AP5M1: variants seen among roughly 807,000 people sequenced by gnomAD.
AP5M1 encodes the protein AP-5 complex subunit mu-1.
AP5M1 carries 44 observed loss-of-function variants against 52.3 expected under a neutral mutation model. The ratio of observed to expected loss-of-function variants is 0.84; its 90% CI spans 0.66 to 1.08. The LOEUF is 1.08. AP5M1 is among the 50% of genes least tolerant of loss of function. AP5M1 has a pLI of 0.00. For missense variants in AP5M1, 526 were observed against 568.4 expected (o/e 0.93, Z 0.76); for synonymous variants, 213 against 199.0 (o/e 1.07, Z -0.59).
chr14:57,283,481 G>T (rs1885233874), intron 6 of AP5M1, among the ~76,000 whole-genome samples: 1 of 152,080 alleles, frequency 6.6e-6, no homozygotes, highest in African/African-American at 2.4e-5. Context: ...CCCAGCTATT[G>T]GGGAGACTGA....
At position 57,274,778 on chromosome 14, in the gene AP5M1, CA is replaced by C. The variant is rs760749996; in HGVS notation, c.612del (p.Gly205GlufsTer13). 6.2e-7 allele frequency: 1 copy of C among 1,614,052 alleles called. No individual in the cohort carries two copies. The highest frequency in any genetic ancestry group is 2.2e-5 in the East Asian group (1 of 44,872). ...AGCCAGCTTGGAAAACTGGGACGTA[CA>C]AAGGAAAACCACAAGTTTCTATTTC... ...KQPAWKTGTY[K>X]GKPQVSISIT... On this transcript the variant is annotated frameshift_variant, in exon 2 of 8. Coordinates refer to ENST00000261558, the MANE Select transcript of AP5M1 (RefSeq NM_018229.4). LOFTEE classifies it high-confidence loss of function.
In AP5M1 at chr14:57,294,205, G is replaced by C. The variant is rs1253812110; in HGVS notation, c.*5321G>C. On this transcript the variant is annotated 3_prime_UTR_variant, in exon 8 of 8. Coordinates refer to ENST00000261558, the MANE Select transcript of AP5M1 (RefSeq NM_018229.4). The stretch of plus-strand genomic sequence containing the variant: ...AATGTATGATGCACAAGCATTTACA[G>C]ATGGACAAATGCTCCACACTAAAAA... 1 of 151,790 alleles carries C rather than the reference G, an allele frequency of 6.6e-6. No homozygotes were observed. The highest frequency in any genetic ancestry group is 1.5e-5 in the Non-Finnish European group (1 of 67,790). 9.4% of individuals were successfully genotyped at this position (151,790 alleles called of 1,614,324 possible).
Position 57,293,672 on chromosome 14 carries a change from CAAT to C in AP5M1, c.*4791_*4793del, listed in dbSNP as rs1036808541. 7 of 151,290 alleles carry C rather than the reference CAAT, an allele frequency of 4.6e-5. No individual in the cohort carries two copies. The highest frequency in any genetic ancestry group is 9.7e-5 in the African/African-American group (4 of 41,220). 9.4% of individuals were successfully genotyped at this position (151,290 alleles called of 1,614,324 possible). ...TACACTCCGTGCAGTCATATTTAAT[CAAT>C]AAAACAGGATATATTTTGAAATTCA... On this transcript the variant is annotated 3_prime_UTR_variant, in exon 8 of 8. Coordinates refer to ENST00000261558, the MANE Select transcript of AP5M1 (RefSeq NM_018229.4).
intron 2 of AP5M1, among the ~76,000 whole-genome samples, chr14:57,275,879 T>G (rs888324443): frequency 6.6e-6 from 1 of 152,228 alleles, no homozygotes; most frequent in Non-Finnish European, 1.5e-5. Flanking sequence ...CCAGGTAAAC[T>G]TCCTACAAGT....
At chr14:57,286,164 T>C (rs1885302454) in intron 6 of AP5M1, 59 bp from the exon 7 acceptor site, 2 of 1,177,972 alleles carry the variant, frequency 1.7e-6, no homozygotes, top group Admixed American at 1.9e-5. Context: ...GGAAAAAATG[T>C]AACCATGCTT....
At chr14:57,280,897 T>C (rs532995650) in intron 3 of AP5M1, among the ~76,000 whole-genome samples, 1 of 152,072 alleles carries the variant, frequency 6.6e-6, no homozygotes. Context: ...ACCTCTTATC[T>C]TTGGTGTCGG....
At chr14:57,269,771 C>T (rs756911263) in intron 1 of AP5M1, among the ~76,000 whole-genome samples, 13 of 152,188 alleles carry the variant, frequency 8.5e-5, no homozygotes, top group Non-Finnish European at 1.8e-4. Flanking sequence ...ACTTATTCTA[C>T]TGAAAAATCC....
intron 2 of AP5M1, among the ~76,000 whole-genome samples, chr14:57,278,892 CAGA>C (rs1312064669): frequency 4.6e-5 from 7 of 152,122 alleles, no homozygotes; most frequent in South Asian, 4.1e-4. Flanking sequence ...AGACCCTTCC[CAGA>C]AGAAGACATA....
intron 6 of AP5M1, among the ~76,000 whole-genome samples, chr14:57,284,821 C>G (rs1051502401): frequency 2.0e-5 from 3 of 151,860 alleles, no homozygotes; most frequent in Non-Finnish European, 4.4e-5. Context: ...GATGAATATA[C>G]CTAAATTATT....
intron 7 of AP5M1, among the ~76,000 whole-genome samples, chr14:57,286,740 C>T (rs1885316767): frequency 6.6e-6 from 1 of 152,018 alleles, no homozygotes. Flanking sequence ...TGCGATTTAC[C>T]TCAGGATTGT....
chr14:57,283,058 T>A (rs1039355720), intron 5 of AP5M1, 39 bp downstream of exon 5: 4 of 1,569,846 alleles, frequency 2.5e-6, no homozygotes, highest in Non-Finnish European at 3.5e-6. Context: ...TTCTTTTCAT[T>A]TACTGTAGAA....
Position 57,295,284 on chromosome 14 carries a change from T to C in AP5M1, c.*6400T>C, listed in dbSNP as rs1311836136. The C allele has an allele frequency of 6.6e-6, 1 of 151,830 alleles. No homozygotes were observed. The highest frequency in any genetic ancestry group is 1.5e-5 in the Non-Finnish European group (1 of 67,848). The allele number at this position is 151,830 out of a possible 1,614,324, so 9.4% of individuals were successfully genotyped here. On this transcript the variant is annotated 3_prime_UTR_variant, in exon 8 of 8. Transcript: ENST00000261558. ...AATGACTGGATCAAATTAATAGAAATAGATCTTTTTGCAAGCAACATAATG... is the reference window on the plus strand; with the variant it reads ...AATGACTGGATCAAATTAATAGAAACAGATCTTTTTGCAAGCAACATAATG...
At position 57,283,134 on chromosome 14, in the gene AP5M1, GGAAA is replaced by G. The variant is rs776614165; in HGVS notation, c.1198_1201del (p.Glu400LeufsTer7). ...TAGGCCAGAAGTTCCCAAAATCAAT[GGAAA>G]TTAGTCTTTCTGGAACTGTAACTTT... On this transcript the variant is annotated frameshift_variant, in exon 6 of 8. Transcript: ENST00000261558. LOFTEE classifies it high-confidence loss of function. The G allele has an allele frequency of 6.2e-7, 1 of 1,612,752 alleles. No homozygotes were observed.
At chr14:57,281,865 A>G (rs1331366695) in intron 3 of AP5M1, among the ~76,000 whole-genome samples, 1 of 152,230 alleles carries the variant, frequency 6.6e-6, no homozygotes, top group African/African-American at 2.4e-5. Flanking sequence ...GAGCAAGTAT[A>G]GGAACAAGAA....
intron 1 of AP5M1, among the ~76,000 whole-genome samples, chr14:57,270,388 G>A (rs964546828): frequency 1.3e-5 from 2 of 152,038 alleles, no homozygotes; most frequent in African/African-American, 4.8e-5. Flanking sequence ...GTCACAATTC[G>A]TTCTTCCCTG....
In AP5M1 at chr14:57,274,603, G is replaced by T. The variant is rs367576393; in HGVS notation, c.434G>T (p.Gly145Val). ...GGGATACAGGATTTTCTTTATTCAG[G>T]TCAAAAAAATGACTCTGAGCTGAAT... ...LFGIQDFLYSGQKNDSELNTK... is the reference protein window; with the variant it reads ...LFGIQDFLYSVQKNDSELNTK... Residue 145 changes from glycine to valine, a missense_variant, in exon 2 of 8, where the codon GGT becomes GTT. Transcript: ENST00000261558. 105 of 1,613,950 alleles carry T rather than the reference G, an allele frequency of 6.5e-5. No individual in the cohort carries two copies. Among genetic ancestry groups the T allele is most frequent in the Non-Finnish European group, 6.9e-5 (82 of 1,179,998 alleles).
intron 1 of AP5M1, among the ~76,000 whole-genome samples, chr14:57,272,070 TTAAGTAAA>T (rs1181338316): frequency 2.0e-5 from 3 of 152,246 alleles, no homozygotes; most frequent in African/African-American, 4.8e-5. Context: ...TTTTTACTGC[TTAAGTAAA>T]TAAGTTTCTT....
intron 7 of AP5M1, 128 bp downstream of exon 7, chr14:57,286,447 C>A: frequency 1.5e-6 from 1 of 656,170 alleles, no homozygotes; most frequent in East Asian, 2.6e-5. Flanking sequence ...AAATTCTGGG[C>A]TGATTCTACC....
rs1829930072 is a variant in AP5M1 at position 57,286,271 on chromosome 14, C to G, written c.1342C>G (p.Gln448Glu). ...CACACTTACTGGATGTTATGCAGAT[C>G]AGCATTCAGTTCAAGTTTTTGCATC... ...DYTLTGCYAD[Q>E]HSVQVFASGK... is the part of the protein sequence containing the mutation. The change falls in exon 7 of 8, where the codon CAG (glutamine) becomes GAG (glutamate). Residue 448 changes from glutamine (Q) to glutamate (E), a missense_variant. By Grantham distance (29) the Gln-to-Glu change is conservative. This residue lies in a region of AP5M1 where 97 missense variants were observed against 121.3 expected (regional missense o/e 0.80). Coordinates refer to ENST00000261558, the MANE Select transcript of AP5M1 (RefSeq NM_018229.4). 3.1e-6 allele frequency: 5 copies of G among 1,612,952 alleles called. No individual in the cohort carries two copies. The highest frequency in any genetic ancestry group is 3.3e-5 in the Admixed American group (2 of 59,980).
Sources: gnomAD v4.1 joint callset for allele counts (sites outside exome capture counted in the v4.1 genomes callset) on GRCh38, gnomAD v4.1.1 for gene constraint, gnomAD v4.1.1 regional missense constraint, MANE v1.5 for transcripts, NCBI Gene and HGNC (gene_info 2026-07-23, HGNC 2026-07-21) for gene names.